Variants in CRY2 observed in about 807,000 individuals in gnomAD.
CRY2 encodes cryptochrome circadian regulator 2.
Under a neutral mutation model 69.5 loss-of-function variants are expected in CRY2, and 31 were observed. The ratio of observed to expected loss-of-function variants is 0.45; its 90% CI spans 0.34 to 0.60. The LOEUF (loss-of-function observed/expected upper bound fraction) is 0.60. CRY2 is among the 20% of genes least tolerant of loss of function. The pLI, the probability that CRY2 is intolerant of heterozygous loss-of-function variation, is 0.02. For missense variants in CRY2, 606 were observed against 797.8 expected (o/e 0.76, Z 2.90); for synonymous variants, 303 against 312.2 (o/e 0.97, Z 0.31).
At chr11:45,847,447 C>T, upstream of CRY2, 1 of 1,594,052 alleles carries the variant, frequency 6.3e-7, no homozygotes, top group Non-Finnish European at 8.5e-7. Context: ...GTCCACGTCG[C>T]CTACCGGGGC....
chr11:45,849,090 C>T (rs1054005202), intron 1 of CRY2, among the ~76,000 whole-genome samples: 1 of 152,212 alleles, frequency 6.6e-6, no homozygotes, highest in Non-Finnish European at 1.5e-5. Context: ...CTTCTTGTTA[C>T]ATTGTCACAG....
chr11:45,850,010 T>G (rs1367238745), intron 1 of CRY2, among the ~76,000 whole-genome samples: 6 of 12,720 alleles, frequency 4.7e-4, no homozygotes, highest in Non-Finnish European at 5.7e-4. Context: ...TGTTTTTTGT[T>G]TTTTTTTTTT....
rs199709255 is a variant in CRY2, at chr11:45,869,815, C to T, written c.1192C>T (p.Arg398Trp). ...CTGGGTCAGCTGGGAGAGCGGGGTC[C>T]GGGTGAGTGCTCTCTCAACGAAAAG... ...DLWVSWESGV[R>W]VFDELLLDAD... The change falls in exon 7 of 12, where the codon CGG (arginine) becomes TGG (tryptophan). Residue 398 changes from arginine to tryptophan, a missense_variant and splice_region_variant. By Grantham distance (101) the Arg-to-Trp change is moderately radical. Coordinates refer to ENST00000616080, the MANE Select transcript of CRY2 (RefSeq NM_021117.5). 2.7e-5 allele frequency: 43 copies of T among 1,602,132 alleles called. No homozygotes were observed. The highest frequency in any genetic ancestry group is 1.3e-4 in the Admixed American group (8 of 59,624).
At chr11:45,850,028 C>T (rs1208518855) in intron 1 of CRY2, among the ~76,000 whole-genome samples, 3 of 146,182 alleles carry the variant, frequency 2.1e-5, no homozygotes, top group Non-Finnish European at 4.5e-5. Flanking sequence ...TTTTTTGAGA[C>T]GGGGTCCTGC....
chr11:45,877,414 C>T (rs774572160), intron 11 of CRY2, among the ~76,000 whole-genome samples: 5 of 152,218 alleles, frequency 3.3e-5, no homozygotes, highest in Non-Finnish European at 7.3e-5. Flanking sequence ...TGCCTGCACA[C>T]GTGCATCCAC....
In CRY2 at chr11:45,847,528, C is replaced by T. The variant is rs747422649; in HGVS notation, c.38C>T (p.Pro13Leu). ...ATVATAAAVA[P>L]APAPGTDSAS... ...GTGGCGACGGCGGCAGCTGTGGCCC[C>T]GGCGCCAGCGCCCGGCACGGACAGC... Residue 13 changes from proline to leucine, a missense_variant, in exon 1 of 12, where the codon CCG (proline) becomes CTG (leucine). This residue lies in a region of CRY2 where 45 missense variants were observed against 35.7 expected (regional missense o/e 1.26). Transcript: ENST00000616080. 8.2e-6 allele frequency: 13 copies of T among 1,586,830 alleles called. No individual in the cohort carries two copies. The highest frequency in any genetic ancestry group is 1.1e-5 in the Non-Finnish European group (13 of 1,171,150).
Position 45,870,829 on chromosome 11 carries a change from G to T in CRY2, c.1550-13G>T. 1 of 1,607,306 alleles carries T rather than the reference G, an allele frequency of 6.2e-7. No individual in the cohort carries two copies. The highest frequency in any genetic ancestry group is 1.1e-5 in the South Asian group (1 of 90,914). On this transcript the variant is annotated splice_polypyrimidine_tract_variant and intron_variant, in intron 9 of 11. Transcript: ENST00000616080. Reference sequence around the variant, plus strand: ...CGAGACGGCACTCTGATTACTCCTCGCCTCTCTCCCAGGTCTACTGGCATC... The same window carrying T: ...CGAGACGGCACTCTGATTACTCCTCTCCTCTCTCCCAGGTCTACTGGCATC...
intron 6 of CRY2, 94 bp downstream of exon 6, chr11:45,867,846 G>T: frequency 1.3e-6 from 2 of 1,554,930 alleles, no homozygotes; most frequent in South Asian, 2.3e-5. Context: ...TGGTGGGTGG[G>T]GGTTGGGCTA....
chr11:45,865,333 T>C (rs751307241), intron 5 of CRY2, among the ~76,000 whole-genome samples: 1 of 152,202 alleles, frequency 6.6e-6, no homozygotes, highest in African/African-American at 2.4e-5. Flanking sequence ...CTGTCAAAGC[T>C]CTGTTTCCCA....
intron 10 of CRY2, among the ~76,000 whole-genome samples, chr11:45,871,789 G>A (rs1038828794): frequency 1.3e-5 from 2 of 152,226 alleles, no homozygotes; most frequent in East Asian, 1.9e-4. Flanking sequence ...GTTGCAGAGG[G>A]AATGCCTCAC....
At chr11:45,847,751 G>C in intron 1 of CRY2, 46 bp downstream of exon 1, 1 of 1,500,542 alleles carries the variant, frequency 6.7e-7, no homozygotes, top group Non-Finnish European at 8.9e-7. Flanking sequence ...CCAGGACCCT[G>C]ACCCTGGGGT....
At chr11:45,865,950 A>C (rs1257423388) in intron 5 of CRY2, among the ~76,000 whole-genome samples, 2 of 152,210 alleles carry the variant, frequency 1.3e-5, no homozygotes. Context: ...GCCAGTCAGG[A>C]GGCTGCCACA....
At chr11:45,862,562 T>C (rs1392965198) in intron 5 of CRY2, among the ~76,000 whole-genome samples, 1 of 152,210 alleles carries the variant, frequency 6.6e-6, no homozygotes, top group Admixed American at 6.5e-5. Flanking sequence ...GATTTTAGAT[T>C]CTTGAATTAG....
rs1353932222 is a variant in CRY2, at chr11:45,882,745, A to G, written c.*1834A>G. On this transcript the variant is annotated 3_prime_UTR_variant, in exon 12 of 12. Transcript: ENST00000616080. ...CACTGCCAGAAAGAGAGTCAAGCAAACCTGGAAGGGCAAATCTGAGAGTGG... is the reference window on the plus strand; with the variant it reads ...CACTGCCAGAAAGAGAGTCAAGCAAGCCTGGAAGGGCAAATCTGAGAGTGG... The G allele has an allele frequency of 2.5e-6, 1 of 398,622 alleles. No homozygotes were observed. The highest frequency in any genetic ancestry group is 4.4e-6 in the Non-Finnish European group (1 of 226,084). The allele number at this position is 398,622 out of a possible 1,614,324, so 24.7% of individuals were successfully genotyped here.
intron 6 of CRY2, chr11:45,868,062 C>A: frequency 3.1e-6 from 1 of 318,330 alleles, no homozygotes; most frequent in Non-Finnish European, 5.9e-6. Context: ...TGGACAGGGG[C>A]GAGGTCCCCA....
chr11:45,847,257 C>T (rs539106511), upstream of CRY2: 1 of 1,551,742 alleles, frequency 6.4e-7, no homozygotes, highest in African/African-American at 1.4e-5. Context: ...CGCATGCCAG[C>T]TCCACCCGGG....
chr11:45,870,276 T>C, intron 8 of CRY2, 54 bp from the exon 9 acceptor site: 1 of 1,612,786 alleles, frequency 6.2e-7, no homozygotes, highest in Non-Finnish European at 8.5e-7. Context: ...ACCCTGGGCC[T>C]TTTGAAGGAG....
Position 45,874,419 on chromosome 11 carries a change from C to T in CRY2, c.*2+2186C>T, listed in dbSNP as rs568961928. Among the ~76,000 whole-genome samples the T allele has an allele frequency of 3.3e-5, 5 of 152,276 alleles. No homozygotes were observed. The South Asian group carries it at 1.0e-3, about 32-fold the overall frequency. ...GGGGCCCAGAGATAGTGTTGCTGGTCTGGGCTTGGGTGGCAGCCCCAGCTT... is the reference window on the plus strand; with the variant it reads ...GGGGCCCAGAGATAGTGTTGCTGGTTTGGGCTTGGGTGGCAGCCCCAGCTT... On this transcript the variant is annotated intron_variant, in intron 11 of 11. Transcript: ENST00000616080.
intron 11 of CRY2, 78 bp from the exon 12 acceptor site, chr11:45,880,836 G>C (rs946229231): frequency 2.0e-5 from 3 of 152,240 alleles, no homozygotes; most frequent in African/African-American, 4.8e-5. Context: ...CCCCAGAGAA[G>C]CAGCCAGAGG....
Sources: allele counts gnomAD v4.1 joint callset (sites outside exome capture counted in the v4.1 genomes callset), GRCh38; gene constraint gnomAD v4.1.1; regional missense constraint gnomAD v4.1.1; transcripts MANE v1.5; gene names NCBI Gene and HGNC (gene_info 2026-07-23, HGNC 2026-07-21).